Variants in SP100 observed in about 807,000 individuals in gnomAD.
SP100 encodes the protein nuclear autoantigen Sp-100.
A neutral mutation model predicts 130.0 loss-of-function variants in SP100; 84 were observed. The observed-to-expected ratio is 0.65, with a 90% CI of 0.54 to 0.77. The LOEUF (loss-of-function observed/expected upper bound fraction) is 0.77, where lower values mean the gene tolerates loss of function less well. SP100 is among the 30% of genes least tolerant of loss of function. The pLI is 0.00. For missense variants in SP100, 978 were observed against 1,052.2 expected (o/e 0.93, Z 0.97); for synonymous variants, 331 against 351.7 (o/e 0.94, Z 0.66).
chr2:230,462,588 A>G (rs767263567), intron 10 of SP100, 70 bp downstream of exon 10: 10 of 1,116,364 alleles, frequency 9.0e-6, no homozygotes, highest in Admixed American at 6.9e-5. Flanking sequence ...TTCCTGAGGC[A>G]TTTTATTCTG....
At chr2:230,517,252 C>A (rs1019050171) in intron 24 of SP100, among the ~76,000 whole-genome samples, 5 of 152,024 alleles carry the variant, frequency 3.3e-5, no homozygotes, top group South Asian at 2.1e-4. Flanking sequence ...CTTGGGGAAA[C>A]CTGCCAAAGA....
At chr2:230,499,207 T>TCAGTCCCCA (rs1350428892) in intron 19 of SP100, among the ~76,000 whole-genome samples, 12 of 151,814 alleles carry the variant, frequency 7.9e-5, no homozygotes, top group African/African-American at 2.7e-4. Flanking sequence ...AATCAGCTCT[T>TCAGTCCCCA]CAGTCCCCAC....
rs769201866 is a variant in SP100 at position 230,416,311 on chromosome 2, C to T, written c.15C>T (p.Gly5=). 1.2e-6 allele frequency: 2 copies of T among 1,613,224 alleles called. No homozygotes were observed. Among genetic ancestry groups the T allele is most frequent in the Non-Finnish European group, 1.7e-6 (2 of 1,179,494 alleles). ...AGGGTGGGAAGATGGCAGGTGGGGGCGGCGACCTGAGCACCAGGTGAGTCT... is the reference window on the plus strand; with the variant it reads ...AGGGTGGGAAGATGGCAGGTGGGGGTGGCGACCTGAGCACCAGGTGAGTCT... MAGG[G]GDLSTRRLNE... Residue 5 remains glycine (G), a synonymous_variant, in exon 1 of 29, where the codon GGC becomes GGT. Transcript: ENST00000340126.
intron 17 of SP100, among the ~76,000 whole-genome samples, chr2:230,482,767 A>T (rs1402233933): frequency 6.6e-6 from 1 of 152,080 alleles, no homozygotes; most frequent in Non-Finnish European, 1.5e-5. Context: ...TTCTGCATCA[A>T]TACATATCAC....
At chr2:230,484,349 T>C (rs1381885200) in intron 17 of SP100, among the ~76,000 whole-genome samples, 1 of 152,238 alleles carries the variant, frequency 6.6e-6, no homozygotes, top group Non-Finnish European at 1.5e-5. Context: ...TTTGAACTAA[T>C]AGACAAATTT....
intron 2 of SP100, among the ~76,000 whole-genome samples, chr2:230,418,176 G>A (rs2062667923): frequency 6.6e-6 from 1 of 152,078 alleles, no homozygotes; most frequent in Non-Finnish European, 1.5e-5. Flanking sequence ...GCTTTTATTT[G>A]CCCCGTTTTC....
intron 24 of SP100, among the ~76,000 whole-genome samples, chr2:230,530,949 G>A (rs1380028636): frequency 6.6e-6 from 1 of 152,184 alleles, no homozygotes; most frequent in African/African-American, 2.4e-5. Flanking sequence ...GGAAAAATAG[G>A]AATGCTTTTA....
intron 2 of SP100, among the ~76,000 whole-genome samples, chr2:230,437,743 A>T (rs2063336754): frequency 6.6e-6 from 1 of 151,610 alleles, no homozygotes; most frequent in Admixed American, 6.6e-5. Flanking sequence ...ATTTTTAGTG[A>T]GATGGGATTT....
In SP100 at chr2:230,446,874, G is replaced by A; in HGVS notation, c.495G>A (p.Arg165=). The stretch of plus-strand genomic sequence containing the variant: ...GTGAAGAAGAAGAGAGGGAGGAGAG[G>A]TCTGGCCTCCAACTAAGTCTTGAAC... ...QESEEEEREE[R]SGLQLSLEQG... is the part of the protein sequence containing the mutation. Residue 165 remains arginine (R), a synonymous_variant, in exon 5 of 29, where the codon AGG becomes AGA. Coordinates refer to ENST00000340126, the MANE Select transcript of SP100 (RefSeq NM_001080391.2). 6.2e-7 allele frequency: 1 copy of A among 1,611,156 alleles called. No homozygotes were observed. The highest frequency in any genetic ancestry group is 8.5e-7 in the Non-Finnish European group (1 of 1,177,670).
At chr2:230,495,692 G>T (rs2066631143) in intron 18 of SP100, among the ~76,000 whole-genome samples, 1 of 152,138 alleles carries the variant, frequency 6.6e-6, no homozygotes. Flanking sequence ...TGAATTTTAT[G>T]CTTATTGCAT....
chr2:230,469,918 C>A, intron 14 of SP100, 97 bp from the exon 15 acceptor site: 9 of 1,510,502 alleles, frequency 6.0e-6, no homozygotes, highest in Non-Finnish European at 8.0e-6. Flanking sequence ...CCCCCTCCTC[C>A]ACAAGCTTCT....
intron 24 of SP100, among the ~76,000 whole-genome samples, chr2:230,527,516 A>G (rs1183286858): frequency 6.6e-6 from 1 of 152,204 alleles, no homozygotes; most frequent in East Asian, 1.9e-4. Context: ...AACTCCATCA[A>G]TCAACAGGCA....
chr2:230,473,494 A>C lies in SP100; in HGVS notation c.1546+54A>C, dbSNP rs797014888. On this transcript the variant is annotated intron_variant, in intron 16 of 28. Transcript: ENST00000340126. Reference sequence around the variant, plus strand: ...AAGTGGCTCAGTGGATATCACAGACACTGGGTAGGGATGTGGGAAGTGATC... The same window carrying C: ...AAGTGGCTCAGTGGATATCACAGACCCTGGGTAGGGATGTGGGAAGTGATC... 4 of 1,078,134 alleles carry C rather than the reference A, an allele frequency of 3.7e-6. No homozygotes were observed. The South Asian group carries it at 3.8e-5, about 10-fold the overall frequency. 66.8% of individuals were successfully genotyped at this position (1,078,134 alleles called of 1,614,324 possible). A position where few individuals can be genotyped will look rare whatever the true frequency, so the allele number is the denominator to read the frequency against.
intron 18 of SP100, among the ~76,000 whole-genome samples, chr2:230,497,707 A>G (rs757202147): frequency 1.2e-4 from 19 of 152,174 alleles, no homozygotes; most frequent in Non-Finnish European, 2.2e-4. Flanking sequence ...TGAATCTAAC[A>G]GCATATTCCT....
chr2:230,439,614 T>A (rs2063406877), intron 2 of SP100, among the ~76,000 whole-genome samples: 1 of 152,042 alleles, frequency 6.6e-6, no homozygotes, highest in Non-Finnish European at 1.5e-5. Flanking sequence ...ATTTATTTAT[T>A]TTTTTGCAGC....
At chr2:230,458,940 A>G (rs1038964329) in intron 8 of SP100, among the ~76,000 whole-genome samples, 1 of 152,186 alleles carries the variant, frequency 6.6e-6, no homozygotes, top group Non-Finnish European at 1.5e-5. Flanking sequence ...GCAACATTAC[A>G]TATGGGACAA....
intron 8 of SP100, among the ~76,000 whole-genome samples, chr2:230,452,593 C>A (rs1034024094): frequency 1.3e-5 from 2 of 152,110 alleles, no homozygotes; most frequent in Non-Finnish European, 2.9e-5. Flanking sequence ...TCATTTCTTT[C>A]TTCTTCAGTT....
At chr2:230,449,366 G>A in intron 6 of SP100, 195 bp from the exon 7 acceptor site, 1 of 787,572 alleles carries the variant, frequency 1.3e-6, no homozygotes, top group Non-Finnish European at 2.2e-6. Context: ...CTTGCTGCTG[G>A]TTCCTGCTGC....
In SP100 at chr2:230,511,111, G is replaced by T. The variant is rs373409320; in HGVS notation, c.2053-14G>T. The T allele has an allele frequency of 5.1e-4, 812 of 1,584,238 alleles. 1 individual carries two copies. In the African/African-American group the frequency reaches 0.01, roughly 20 times the overall value. On this transcript the variant is annotated splice_polypyrimidine_tract_variant and intron_variant, in intron 23 of 28. Transcript: ENST00000340126. ...CACTCAATATTGTACCAATCTTTCTGTTTTTTTCAACAGAGAATACTGGAA... is the reference window on the plus strand; with the variant it reads ...CACTCAATATTGTACCAATCTTTCTTTTTTTTTCAACAGAGAATACTGGAA...
Sources: gnomAD v4.1 joint callset for allele counts (sites outside exome capture counted in the v4.1 genomes callset) on GRCh38, gnomAD v4.1.1 for gene constraint, MANE v1.5 for transcripts, NCBI Gene and HGNC (gene_info 2026-07-23, HGNC 2026-07-21) for gene names.